Variants in MED13L observed in about 807,000 individuals in gnomAD.
MED13L encodes the protein mediator complex subunit 13L.
Under a neutral mutation model 220.9 loss-of-function variants are expected in MED13L, and 7 were observed. That is an observed-to-expected ratio of 0.03 (90% CI 0.02 to 0.06). The LOEUF (loss-of-function observed/expected upper bound fraction) is 0.06, where lower values mean the gene tolerates loss of function less well. MED13L is among the 10% of genes least tolerant of loss of function. The probability of loss-of-function intolerance (pLI) is 1.00; values close to 1 mark genes in which losing one functional copy is unlikely to be tolerated. For missense variants in MED13L, 1,965 were observed against 2,760.5 expected (o/e 0.71, Z 6.46); for synonymous variants, 1,011 against 1,015.2 (o/e 1.00, Z 0.08).
chr12:116,201,432 AT>A (rs1881997986), intron 2 of MED13L, among the ~76,000 whole-genome samples: 1 of 152,192 alleles, frequency 6.6e-6, no homozygotes, highest in African/African-American at 2.4e-5. Flanking sequence ...AAAAATAGAC[AT>A]TAACCCCGAG....
intron 2 of MED13L, among the ~76,000 whole-genome samples, chr12:116,153,070 A>T (rs898952836): frequency 6.6e-6 from 1 of 152,174 alleles, no homozygotes; most frequent in Admixed American, 6.6e-5. Context: ...TCTGCATCCA[A>T]TGACAGTAAT....
At chr12:116,269,835 G>A (rs1443956426) in intron 1 of MED13L, among the ~76,000 whole-genome samples, 3 of 151,986 alleles carry the variant, frequency 2.0e-5, no homozygotes, top group African/African-American at 7.3e-5. Flanking sequence ...AATAAACACT[G>A]AGAAATATAC....
At chr12:116,078,742 T>A (rs928869692) in intron 4 of MED13L, among the ~76,000 whole-genome samples, 1 of 152,176 alleles carries the variant, frequency 6.6e-6, no homozygotes, top group Non-Finnish European at 1.5e-5. Flanking sequence ...TCTGGTCCTT[T>A]ACAATAAAAG....
intron 2 of MED13L, among the ~76,000 whole-genome samples, chr12:116,184,979 A>G (rs1880780322): frequency 6.6e-6 from 1 of 152,220 alleles, no homozygotes. Context: ...ATTCACAGGA[A>G]GTGTCTGTGT....
At chr12:116,083,333 T>C (rs1871355861) in intron 4 of MED13L, among the ~76,000 whole-genome samples, 1 of 138,128 alleles carries the variant, frequency 7.2e-6, no homozygotes, top group Non-Finnish European at 1.5e-5. Context: ...GAACCCGGCA[T>C]GGAGGCTGCA....
At position 116,095,648 on chromosome 12, in the gene MED13L, A is replaced by G. The variant is rs953107680; in HGVS notation, c.479+1021T>C. 1.3e-4 allele frequency among the ~76,000 whole-genome samples: 20 copies of G among 152,220 alleles called. 1 individual carries two copies. The highest frequency in any genetic ancestry group is 3.2e-3 in the Middle Eastern group (1 of 316). On this transcript the variant is annotated intron_variant, in intron 4 of 30. Transcript: ENST00000281928. ...TACTATGTAAGGCTTCAAGGGCTCT[A>G]ATCTGCACCCAGTACCTGGGACACT...
Position 115,975,281 on chromosome 12 carries a change from A to G in MED13L, c.5621T>C (p.Ile1874Thr), listed in dbSNP as rs1191518967. The change falls in exon 25 of 31, where the codon ATT becomes ACT. Residue 1874 changes from isoleucine (I) to threonine (T), a missense_variant. By Grantham distance (89) the Ile-to-Thr change is moderately conservative. Transcript: ENST00000281928. ...CCACTCCCATAACTTCTGTAGTCCA[A>G]TTTTACGTGCAGATACTTTACTCCT... The part of the protein sequence containing the change: ...SRRSKVSARK[I>T]GLQKLWEWCI... The G allele has an allele frequency of 6.2e-7, 1 of 1,613,994 alleles. No homozygotes were observed. Among genetic ancestry groups the G allele is most frequent in the Non-Finnish European group, 8.5e-7 (1 of 1,180,002 alleles).
chr12:116,178,712 A>G (rs1410233969), intron 2 of MED13L, among the ~76,000 whole-genome samples: 1 of 152,212 alleles, frequency 6.6e-6, no homozygotes, highest in Non-Finnish European at 1.5e-5. Context: ...GCCTCTTGAC[A>G]AAGGACAGTG....
intron 2 of MED13L, among the ~76,000 whole-genome samples, chr12:116,233,857 TA>T (rs1281744520): frequency 6.6e-6 from 1 of 152,222 alleles, no homozygotes; most frequent in African/African-American, 2.4e-5. Flanking sequence ...CCCAAGTGTT[TA>T]TCCAAGTGAC....
intron 2 of MED13L, among the ~76,000 whole-genome samples, chr12:116,126,587 T>C (rs867442483): frequency 4.0e-4 from 61 of 152,148 alleles, no homozygotes; most frequent in African/African-American, 1.4e-3. Context: ...CTTGAAAAGG[T>C]ATTACAAATA....
intron 6 of MED13L, 140 bp downstream of exon 6, chr12:116,019,638 C>T: frequency 1.8e-6 from 2 of 1,128,152 alleles, no homozygotes; most frequent in Non-Finnish European, 2.6e-6. Context: ...GATAACTACT[C>T]AGTACATACC....
chr12:116,274,573 A>G (rs1428554893), intron 1 of MED13L, among the ~76,000 whole-genome samples: 1 of 151,794 alleles, frequency 6.6e-6, no homozygotes, highest in East Asian at 1.9e-4. Flanking sequence ...TGGGCAACAT[A>G]TTTTTAATAT....
At chr12:116,212,017 T>C (rs767879390) in intron 2 of MED13L, among the ~76,000 whole-genome samples, 12 of 152,200 alleles carry the variant, frequency 7.9e-5, no homozygotes, top group Non-Finnish European at 1.3e-4. Context: ...ACTACATATA[T>C]CACATTTTTT....
At chr12:116,255,746 T>C (rs1259847595) in intron 1 of MED13L, among the ~76,000 whole-genome samples, 1 of 152,190 alleles carries the variant, frequency 6.6e-6, no homozygotes, top group African/African-American at 2.4e-5. Context: ...AATGACTTAA[T>C]ATGCACATGC....
At chr12:116,046,658 G>A (rs374892351) in intron 4 of MED13L, among the ~76,000 whole-genome samples, 9 of 152,294 alleles carry the variant, frequency 5.9e-5, no homozygotes, top group African/African-American at 9.6e-5. Flanking sequence ...ATCTGTGTAC[G>A]AGTAACTAAA....
At chr12:116,141,661 T>G (rs1178141784) in intron 2 of MED13L, among the ~76,000 whole-genome samples, 2 of 152,090 alleles carry the variant, frequency 1.3e-5, no homozygotes. Flanking sequence ...CCACAGGGAC[T>G]CTGGTGGAAG....
intron 3 of MED13L, among the ~76,000 whole-genome samples, chr12:116,102,690 T>C (rs1028660986): frequency 1.5e-4 from 15 of 103,304 alleles, no homozygotes; most frequent in African/African-American, 4.7e-4. Context: ...CCCTATATTT[T>C]CTTTTTCTTT....
intron 2 of MED13L, among the ~76,000 whole-genome samples, chr12:116,183,146 CG>C (rs746696484): frequency 2.0e-5 from 3 of 152,142 alleles, no homozygotes; most frequent in Admixed American, 6.5e-5. Context: ...TTGAAAACAA[CG>C]GGAGTCCAGA....
chr12:116,174,737 A>G (rs1183405135), intron 2 of MED13L: 1 of 152,222 alleles, frequency 6.6e-6, no homozygotes, highest in Non-Finnish European at 1.5e-5. Context: ...TCAGTCTATC[A>G]TGTAAGATAA....
Sources: allele counts gnomAD v4.1 joint callset (sites outside exome capture counted in the v4.1 genomes callset), GRCh38; gene constraint gnomAD v4.1.1; transcripts MANE v1.5; gene names NCBI Gene and HGNC (gene_info 2026-07-23, HGNC 2026-07-21).